HDGFL3: variants seen among roughly 807,000 people sequenced by gnomAD.
HDGFL3 encodes hepatoma-derived growth factor-related protein 3.
A neutral mutation model predicts 27.6 loss-of-function variants in HDGFL3; 6 were observed. The observed-to-expected ratio is 0.22, with a 90% CI of 0.12 to 0.43. The LOEUF (loss-of-function observed/expected upper bound fraction) is 0.43. Ranked by LOEUF, HDGFL3 falls within the 20% of genes least tolerant of loss-of-function variation. The probability of loss-of-function intolerance (pLI) is 1.00; values close to 1 mark genes in which losing one functional copy is unlikely to be tolerated. For synonymous variants in HDGFL3, 88 were observed against 88.9 expected (o/e 0.99, Z 0.05); for missense variants, 207 against 250.1 (o/e 0.83, Z 1.16).
chr15:83,167,338 C>A (rs1430601131), intron 1 of HDGFL3, among the ~76,000 whole-genome samples: 1 of 152,080 alleles, frequency 6.6e-6, no homozygotes, highest in Non-Finnish European at 1.5e-5. Context: ...GGGGGATCAC[C>A]CGAGGTCAGG....
At chr15:83,178,214 GAA>G (rs1343566354) in intron 1 of HDGFL3, among the ~76,000 whole-genome samples, 1 of 152,170 alleles carries the variant, frequency 6.6e-6, no homozygotes, top group African/African-American at 2.4e-5. Flanking sequence ...ATTAAAAAGG[GAA>G]AGTTTCTGAA....
chr15:83,142,080 A>C (rs1019313393), intron 5 of HDGFL3, among the ~76,000 whole-genome samples: 1 of 152,210 alleles, frequency 6.6e-6, no homozygotes, highest in Non-Finnish European at 1.5e-5. Context: ...TGGGAGTGTA[A>C]ATTAGTTCAA....
At chr15:83,198,054 C>CAAAAAAAAAG (rs1555456265) in intron 1 of HDGFL3, among the ~76,000 whole-genome samples, 1 of 57,596 alleles carries the variant, frequency 1.7e-5, no homozygotes, top group African/African-American at 9.6e-5. Flanking sequence ...GACTCCGTCT[C>CAAAAAAAAAG]AAAAAAAAAA....
chr15:83,136,512 A>G lies in HDGFL3; in HGVS notation c.*2758T>C. 3.1e-6 allele frequency: 5 copies of G among 1,594,258 alleles called. No homozygotes were observed. Among genetic ancestry groups the G allele is most frequent in the African/African-American group, 1.4e-5 (1 of 73,480 alleles). On this transcript the variant is annotated 3_prime_UTR_variant, in exon 6 of 6. Transcript: ENST00000299633. Reference sequence around the variant, plus strand: ...TTTTCTCACATTGGTGCATCTCTTCATGCTAGAACTGCTTATGTCTACAGA... The same window carrying G: ...TTTTCTCACATTGGTGCATCTCTTCGTGCTAGAACTGCTTATGTCTACAGA...
In HDGFL3 at chr15:83,134,379, C is replaced by T; in HGVS notation, c.*4891G>A. On this transcript the variant is annotated 3_prime_UTR_variant, in exon 6 of 6. Transcript: ENST00000299633. ...GAGATTACAGGCGTCTGCCACCACG[C>T]CCGGCTAATTTTTTGTATTTTTTAG... 6.6e-6 allele frequency: 1 copy of T among 151,528 alleles called. No individual in the cohort carries two copies. The highest frequency in any genetic ancestry group is 1.9e-4 in the East Asian group (1 of 5,162). The allele number at this position is 151,528 out of a possible 1,614,324, so 9.4% of individuals were successfully genotyped here.
chr15:83,181,384 C>T (rs767467073), intron 1 of HDGFL3, among the ~76,000 whole-genome samples: 1 of 152,164 alleles, frequency 6.6e-6, no homozygotes, highest in Non-Finnish European at 1.5e-5. Flanking sequence ...TAGTCTCTGA[C>T]AACTGAAAGA....
rs1170884808 is a variant in HDGFL3, at chr15:83,129,242, G to A, written c.*10028C>T. ...CCTTACTTCATGCCAGGCAAACCAC[G>A]TTAAAAGTTTTACTTACCTATTTGT... is the stretch of plus-strand genomic sequence containing the variant. On this transcript the variant is annotated 3_prime_UTR_variant, in exon 6 of 6. Transcript: ENST00000299633. The A allele has an allele frequency of 6.6e-6, 1 of 152,098 alleles. No individual in the cohort carries two copies. The highest frequency in any genetic ancestry group is 6.6e-5 in the Admixed American group (1 of 15,258). The allele number at this position is 152,098 out of a possible 1,614,324, so 9.4% of individuals were successfully genotyped here.
downstream of HDGFL3, chr15:83,126,666 G>C: frequency 9.9e-7 from 1 of 1,012,768 alleles, no homozygotes. Flanking sequence ...AAAGCAGCTT[G>C]TGACTAAACC....
chr15:83,113,289 T>C (rs1596471951), exon 4 of HDGFL3: 1 of 233,376 alleles, frequency 4.3e-6, no homozygotes, highest in Non-Finnish European at 8.6e-6. Context: ...TCTGCACATA[T>C]GCATGAAGAG....
chr15:83,152,075 G>A (rs2036970985), intron 4 of HDGFL3, among the ~76,000 whole-genome samples: 2 of 152,136 alleles, frequency 1.3e-5, no homozygotes, highest in Admixed American at 1.3e-4. Context: ...CCAATTGTGC[G>A]CCTTAAGAAA....
chr15:83,162,713 T>A (rs2037116492), intron 2 of HDGFL3, among the ~76,000 whole-genome samples: 3 of 152,148 alleles, frequency 2.0e-5, no homozygotes, highest in Admixed American at 1.3e-4. Flanking sequence ...CCTAACTCTC[T>A]TTCAAGACAA....
intron 2 of HDGFL3, among the ~76,000 whole-genome samples, chr15:83,158,581 C>T (rs2037060949): frequency 6.6e-6 from 1 of 152,208 alleles, no homozygotes; most frequent in African/African-American, 2.4e-5. Flanking sequence ...AATATTACAC[C>T]CCTCTGAACA....
chr15:83,148,403 C>T (rs2036925350), intron 5 of HDGFL3, among the ~76,000 whole-genome samples: 3 of 151,436 alleles, frequency 2.0e-5, no homozygotes, highest in Admixed American at 6.6e-5. Flanking sequence ...AGGCAGATCA[C>T]GAGGTCAGGA....
chr15:83,187,104 A>G (rs1030904129), intron 1 of HDGFL3, among the ~76,000 whole-genome samples: 2 of 151,318 alleles, frequency 1.3e-5, no homozygotes, highest in Non-Finnish European at 2.9e-5. Context: ...ATATACACAC[A>G]TATATTTTAC....
At chr15:83,196,683 GA>G (rs2037574155) in intron 1 of HDGFL3, among the ~76,000 whole-genome samples, 1 of 152,030 alleles carries the variant, frequency 6.6e-6, no homozygotes, top group African/African-American at 2.4e-5. Flanking sequence ...TATACTTGGG[GA>G]AAGGTAGTGA....
chr15:83,204,111 A>G (rs2037685771), intron 1 of HDGFL3, among the ~76,000 whole-genome samples: 1 of 150,812 alleles, frequency 6.6e-6, no homozygotes, highest in Admixed American at 6.6e-5. Context: ...AATCTACCAG[A>G]AAGAGGCATG....
intron 4 of HDGFL3, among the ~76,000 whole-genome samples, chr15:83,151,725 A>G: frequency 6.6e-6 from 1 of 152,216 alleles, no homozygotes; most frequent in East Asian, 1.9e-4. Context: ...AAGGTACCCT[A>G]AAGGTCATCT....
intron 1 of HDGFL3, among the ~76,000 whole-genome samples, chr15:83,191,479 A>G (rs1269760281): frequency 2.0e-5 from 3 of 152,210 alleles, no homozygotes; most frequent in African/African-American, 7.2e-5. Context: ...TTCTTCCCAT[A>G]CTAATCCAAA....
At chr15:83,167,148 C>T (rs2037180099) in intron 1 of HDGFL3, among the ~76,000 whole-genome samples, 1 of 152,108 alleles carries the variant, frequency 6.6e-6, no homozygotes, top group Non-Finnish European at 1.5e-5. Flanking sequence ...GTAACGACAC[C>T]CATAAGCTCG....
Sources: gnomAD v4.1 joint callset for allele counts (sites outside exome capture counted in the v4.1 genomes callset) on GRCh38, gnomAD v4.1.1 for gene constraint, MANE v1.5 for transcripts, NCBI Gene and HGNC (gene_info 2026-07-23, HGNC 2026-07-21) for gene names.